PCDHA4: variants seen among roughly 807,000 people sequenced by gnomAD.
The protein encoded by PCDHA4 is protocadherin alpha-4.
In PCDHA4, 49 loss-of-function variants were observed where a neutral mutation model predicts 61.4. That is an observed-to-expected ratio of 0.80 (90% CI 0.63 to 1.01). PCDHA4 has a LOEUF of 1.01. Among genes scored for constraint, PCDHA4 ranks in the 50% least tolerant of loss-of-function variants. PCDHA4 has a pLI of 0.00. For missense variants in PCDHA4, 1,254 were observed against 1,235.8 expected, an observed-to-expected ratio of 1.01 and a Z score of -0.22; for synonymous variants, 590 against 550.3, an observed-to-expected ratio of 1.07 and a Z score of -1.01.
chr5:140,927,670 C>A lies in PCDHA4; in HGVS notation c.2386-51279C>A, dbSNP rs1006141153. ...GTTATTCCGAGTTCAAGCCTTGGATCCAGATGAAGGGTCCAATGGGGAAGT... is the reference window on the plus strand; with the variant it reads ...GTTATTCCGAGTTCAAGCCTTGGATACAGATGAAGGGTCCAATGGGGAAGT... On this transcript the variant is annotated intron_variant, in intron 1 of 3. Transcript: ENST00000530339. 2.5e-6 allele frequency: 4 copies of A among 1,614,166 alleles called. No homozygotes were observed. The highest frequency in any genetic ancestry group is 3.4e-6 in the Non-Finnish European group (4 of 1,180,028).
At chr5:140,904,236 T>G (rs1326424532) in intron 1 of PCDHA4, among the ~76,000 whole-genome samples, 2 of 151,966 alleles carry the variant, frequency 1.3e-5, no homozygotes, top group Non-Finnish European at 2.9e-5. Flanking sequence ...ACTTATGCCT[T>G]TGCATCCTCA....
In PCDHA4 at chr5:140,877,445, C is replaced by T. The variant is rs782657623; in HGVS notation, c.2385+67873C>T. ...CTGGTGAAGGACCACGGTGAGCCCG[C>T]GCTGACGTCCACGGCCACGGTGCTG... On this transcript the variant is annotated intron_variant, in intron 1 of 3. Transcript: ENST00000530339. 36 of 1,613,714 alleles carry T rather than the reference C, an allele frequency of 2.2e-5. No individual in the cohort carries two copies. The highest frequency in any genetic ancestry group is 3.0e-5 in the Non-Finnish European group (35 of 1,179,874).
At position 140,823,162 on chromosome 5, in the gene PCDHA4, G is replaced by C. The variant is rs2150122942; in HGVS notation, c.2385+13590G>C. 16 of 1,613,820 alleles carry C rather than the reference G, an allele frequency of 9.9e-6. 1 individual carries two copies. Among genetic ancestry groups the C allele is most frequent in the South Asian group, 2.2e-5 (2 of 91,082 alleles). ...CGCGCAGCCCCAGTATACCGTGTTCGTGAAGGAGAACAACCCGCCAGGCTG... is the reference window on the plus strand; with the variant it reads ...CGCGCAGCCCCAGTATACCGTGTTCCTGAAGGAGAACAACCCGCCAGGCTG... On this transcript the variant is annotated intron_variant, in intron 1 of 3. Transcript: ENST00000530339.
At chr5:140,934,879 T>C (rs1202301097) in intron 1 of PCDHA4, among the ~76,000 whole-genome samples, 1 of 152,206 alleles carries the variant, frequency 6.6e-6, no homozygotes, top group African/African-American at 2.4e-5. Flanking sequence ...TGTTTGTGTA[T>C]CTTGTTTTAA....
At position 140,924,894 on chromosome 5, in the gene PCDHA4, C is replaced by CAAAAAA. The variant is rs782133089; in HGVS notation, c.2386-54049_2386-54044dup. Among the ~76,000 whole-genome samples, 6 of 71,470 alleles carry CAAAAAA rather than the reference C, an allele frequency of 8.4e-5. No homozygotes were observed. In the East Asian group the frequency reaches 2.6e-3, roughly 31 times the overall value. 46.9% of individuals were successfully genotyped at this position (71,470 alleles called of 152,430 possible). A position where few individuals can be genotyped will look rare whatever the true frequency, so the allele number is the denominator to read the frequency against. On this transcript the variant is annotated intron_variant, in intron 1 of 3. Transcript: ENST00000530339. ...TGGGTGACAGAGCAAGAACCTGTCT[C>CAAAAAA]AAAAAAAAAAATAAAATAAAATAAA... is the stretch of plus-strand genomic sequence containing the variant.
intron 1 of PCDHA4, among the ~76,000 whole-genome samples, chr5:140,972,103 CA>C (rs1388508761): frequency 2.0e-5 from 3 of 152,104 alleles, no homozygotes; most frequent in Non-Finnish European, 4.4e-5. Context: ...GGCATAGAAG[CA>C]GGTAACAAAT....
At chr5:140,879,237 G>C (rs999977997) in intron 1 of PCDHA4, among the ~76,000 whole-genome samples, 14 of 152,134 alleles carry the variant, frequency 9.2e-5, no homozygotes, top group African/African-American at 3.4e-4. Context: ...TATACAAGAG[G>C]CACTGGCAAA....
At position 140,809,028 on chromosome 5, in the gene PCDHA4, G is replaced by C. The variant is rs139851359; in HGVS notation, c.1841G>C (p.Gly614Ala). 3.1e-6 allele frequency: 5 copies of C among 1,613,720 alleles called. No individual in the cohort carries two copies. The African/African-American group carries it at 6.7e-5, about 22-fold the overall frequency. Residue 614 changes from glycine (G) to alanine (A), a missense_variant, in exon 1 of 4, where the codon GGG becomes GCG. Gly to Ala is a moderately conservative substitution (Grantham distance 60). Coordinates refer to ENST00000530339, the MANE Select transcript of PCDHA4 (RefSeq NM_018907.4). ...NAWLSYELQP[G>A]TGGARIPFRV... ...TGGCTTTCGTACGAGCTGCAGCCGGGGACTGGTGGCGCGCGCATCCCGTTC... is the reference window on the plus strand; with the variant it reads ...TGGCTTTCGTACGAGCTGCAGCCGGCGACTGGTGGCGCGCGCATCCCGTTC...
At chr5:140,897,610 C>T (rs1439314706) in intron 1 of PCDHA4, among the ~76,000 whole-genome samples, 2 of 152,078 alleles carry the variant, frequency 1.3e-5, no homozygotes, top group East Asian at 1.9e-4. Context: ...TGGGTTGGTT[C>T]CAAGTCTTTA....
rs2054518116 is a variant in PCDHA4, at chr5:140,873,832, T to G, written c.2385+64260T>G. Among the ~76,000 whole-genome samples, 4 of 152,260 alleles carry G rather than the reference T, an allele frequency of 2.6e-5. No homozygotes were observed. In the South Asian group the frequency reaches 8.3e-4, roughly 32 times the overall value. On this transcript the variant is annotated intron_variant, in intron 1 of 3. Transcript: ENST00000530339. ...TGCACCACCACTCCTGGCTAATTTT[T>G]GTATTTTTAGTAGAGATGGGTTTTC...
chr5:140,859,697 G>T (rs1233998662), intron 1 of PCDHA4: 1 of 154,148 alleles, frequency 6.5e-6, no homozygotes, highest in Non-Finnish European at 1.4e-5. Flanking sequence ...TATTGTTCAA[G>T]TTTAGGAACA....
At chr5:140,949,453 A>T (rs1284957540) in intron 1 of PCDHA4, among the ~76,000 whole-genome samples, 4 of 151,762 alleles carry the variant, frequency 2.6e-5, no homozygotes, top group African/African-American at 9.7e-5. Flanking sequence ...TGCTTCATGT[A>T]ATTTGAAGCC....
Position 140,927,948 on chromosome 5 carries a change from C to T in PCDHA4, c.2386-51001C>T, listed in dbSNP as rs1012110026. The T allele has an allele frequency of 4.3e-6, 7 of 1,614,072 alleles. No homozygotes were observed. In the African/African-American group the frequency reaches 5.3e-5, roughly 12 times the overall value. On this transcript the variant is annotated intron_variant, in intron 1 of 3. Transcript: ENST00000530339. The stretch of plus-strand genomic sequence containing the variant: ...CTCTTTCGAACCCAGTACCTGAGGA[C>T]GCTGCCCCTGGCACAGTGATTGCTC...
chr5:140,877,326 G>T (rs781931363), intron 1 of PCDHA4: 1 of 1,613,964 alleles, frequency 6.2e-7, no homozygotes, highest in East Asian at 2.2e-5. Flanking sequence ...CGGTCGGCGC[G>T]CACATCCCGT....
intron 1 of PCDHA4, among the ~76,000 whole-genome samples, chr5:140,926,112 A>G (rs556372882): frequency 3.3e-4 from 51 of 152,258 alleles, no homozygotes; most frequent in African/African-American, 1.2e-3. Context: ...AAGAGGGTGC[A>G]GGACAGACTT....
At chr5:140,863,295 C>G in intron 1 of PCDHA4, 1 of 1,463,648 alleles carries the variant, frequency 6.8e-7, no homozygotes, top group South Asian at 1.1e-5. Context: ...TGTACCTGAT[C>G]ATCGCCATCT....
At chr5:140,868,341 T>C (rs1554161894) in intron 1 of PCDHA4, 1 of 152,158 alleles carries the variant, frequency 6.6e-6, no homozygotes, top group African/African-American at 2.4e-5. Flanking sequence ...AAGTCACTTA[T>C]AATCAGAAAG....
At chr5:140,990,492 A>G (rs533006418) in intron 3 of PCDHA4, among the ~76,000 whole-genome samples, 1 of 152,308 alleles carries the variant, frequency 6.6e-6, no homozygotes, top group South Asian at 2.1e-4. Flanking sequence ...TAGTGAGGTG[A>G]CATTCCCCAA....
chr5:140,965,307 C>T (rs2095888914), intron 1 of PCDHA4, among the ~76,000 whole-genome samples: 1 of 152,150 alleles, frequency 6.6e-6, no homozygotes, highest in Admixed American at 6.5e-5. Context: ...ATCCTTCTAC[C>T]TTCTCTTTTA....
Sources: allele counts gnomAD v4.1 joint callset (sites outside exome capture counted in the v4.1 genomes callset), GRCh38; gene constraint gnomAD v4.1.1; transcripts MANE v1.5; gene names NCBI Gene and HGNC (gene_info 2026-07-23, HGNC 2026-07-21).